The following MTUS2 variants were observed in gnomAD, a reference collection of about 807,000 sequenced individuals.
MTUS2 encodes microtubule associated scaffold protein 2.
MTUS2 carries 40 observed loss-of-function variants against 114.1 expected under a neutral mutation model. The ratio of observed to expected loss-of-function variants is 0.35; its 90% confidence interval spans 0.27 to 0.46. The LOEUF (loss-of-function observed/expected upper bound fraction) is 0.46. MTUS2 is among the 20% of genes least tolerant of loss of function. The pLI is 1.00. For synonymous variants in MTUS2, 688 were observed against 672.0 expected, an observed-to-expected ratio of 1.02 and a Z score of -0.37; for missense variants, 1,679 against 1,705.4, an observed-to-expected ratio of 0.98 and a Z score of 0.27.
chr13:29,193,090 GTTCAT>G (rs1894512906), intron 5 of MTUS2, among the ~76,000 whole-genome samples: 1 of 152,106 alleles, frequency 6.6e-6, no homozygotes, highest in Non-Finnish European at 1.5e-5. Flanking sequence ...GTTGAAAGAG[GTTCAT>G]TTCCAGCCTC....
chr13:29,234,799 C>T (rs1896470103), intron 5 of MTUS2, among the ~76,000 whole-genome samples: 2 of 152,096 alleles, frequency 1.3e-5, no homozygotes, highest in African/African-American at 4.8e-5. Flanking sequence ...ATTTATCCTT[C>T]AACATGGCCT....
intron 4 of MTUS2, among the ~76,000 whole-genome samples, chr13:29,066,489 C>G (rs1390203885): frequency 6.6e-6 from 1 of 152,182 alleles, no homozygotes; most frequent in Non-Finnish European, 1.5e-5. Context: ...TCTGTTGCAA[C>G]TACTCACCTC....
intron 5 of MTUS2, among the ~76,000 whole-genome samples, chr13:29,201,587 T>G (rs1344688460): frequency 3.9e-5 from 6 of 152,218 alleles, no homozygotes; most frequent in Non-Finnish European, 8.8e-5. Context: ...TGATGCAGTC[T>G]CTTCATGGTG....
chr13:29,365,510 T>TTGTGTGTGTGTGTGTGTGTG (rs56164752), intron 8 of MTUS2, among the ~76,000 whole-genome samples: 8,667 of 146,814 alleles, frequency 0.059, 305 homozygotes, highest in East Asian at 0.076. Context: ...TTGTTTGGGT[T>TTGTGTGTGTGTGTGTGTGTG]TGTGTGTGTG....
chr13:28,911,845 G>GTTTTTTTTTTTTTTTTTTTTTTATTTT (rs202187530), intron 2 of MTUS2, among the ~76,000 whole-genome samples: 8 of 103,832 alleles, frequency 7.7e-5, no homozygotes, highest in African/African-American at 1.1e-4. Context: ...ACTTTTTAAT[G>GTTTTTTTTTTTTTTTTTTTTTTATTTT]TTTTTTTTTT....
At chr13:29,321,477 C>G (rs2139672234) in intron 6 of MTUS2, among the ~76,000 whole-genome samples, 1 of 152,306 alleles carries the variant, frequency 6.6e-6, no homozygotes, top group East Asian at 1.9e-4. Flanking sequence ...ATTATCTGTG[C>G]TATCAAGAAT....
chr13:28,897,804 A>T (rs1360285035), intron 2 of MTUS2, among the ~76,000 whole-genome samples: 6 of 151,966 alleles, frequency 3.9e-5, no homozygotes, highest in Non-Finnish European at 8.8e-5. Flanking sequence ...TCACAAGGAC[A>T]AAAAACCAAA....
At position 28,873,879 on chromosome 13, in the gene MTUS2, A is replaced by G. The variant is rs530313137; in HGVS notation, c.-243+34029A>G. The stretch of plus-strand genomic sequence containing the variant: ...CAAAATTACTCTTTTATAATCCTGT[A>G]AAAGTTCCAAGTGACAATAAGTATT... On this transcript the variant is annotated intron_variant, in intron 2 of 15. Coordinates refer to ENST00000612955, the MANE Select transcript of MTUS2 (RefSeq NM_001033602.4). Among the ~76,000 whole-genome samples, 11 of 152,362 alleles carry G rather than the reference A, an allele frequency of 7.2e-5. No individual in the cohort carries two copies. In the South Asian group the frequency reaches 2.3e-3, roughly 32 times the overall value.
chr13:29,351,609 TG>T (rs201442422), intron 7 of MTUS2, among the ~76,000 whole-genome samples: 19 of 150,142 alleles, frequency 1.3e-4, no homozygotes, highest in South Asian at 6.2e-4. Flanking sequence ...TAAGTTTTTT[TG>T]TTTGTTTTTT....
chr13:29,258,189 A>G (rs1897342670), intron 5 of MTUS2, among the ~76,000 whole-genome samples: 1 of 152,198 alleles, frequency 6.6e-6, no homozygotes, highest in Non-Finnish European at 1.5e-5. Context: ...GCTCTGGGGA[A>G]TAATCCACTT....
At chr13:28,940,661 T>C (rs1041640273) in intron 2 of MTUS2, among the ~76,000 whole-genome samples, 6 of 151,658 alleles carry the variant, frequency 4.0e-5, no homozygotes, top group Non-Finnish European at 8.8e-5. Flanking sequence ...AAAACAGAAA[T>C]TGAGAGTTCA....
chr13:29,197,386 C>T (rs1302372233), intron 5 of MTUS2, among the ~76,000 whole-genome samples: 1 of 152,132 alleles, frequency 6.6e-6, no homozygotes, highest in South Asian at 2.1e-4. Context: ...CATGTCCCTG[C>T]AAAGGACATA....
Position 29,080,833 on chromosome 13 carries a change from C to T in MTUS2, c.2447-19940C>T, listed in dbSNP as rs149856974. 4.7e-3 allele frequency among the ~76,000 whole-genome samples: 713 copies of T among 152,252 alleles called. 3 individuals are homozygous for T. Among genetic ancestry groups the T allele is most frequent in the African/African-American group, 0.016 (674 of 41,552 alleles). On this transcript the variant is annotated intron_variant, in intron 4 of 15. Coordinates refer to ENST00000612955, the MANE Select transcript of MTUS2 (RefSeq NM_001033602.4). ...CTCTGCCTCCTGGGTTCAAGTGATT[C>T]CCCTGCCTCAGCCTCCCAAGTAGCT... is the stretch of plus-strand genomic sequence containing the variant.
At chr13:28,922,928 ACT>A (rs1881127199) in intron 2 of MTUS2, among the ~76,000 whole-genome samples, 1 of 151,992 alleles carries the variant, frequency 6.6e-6, no homozygotes, top group Non-Finnish European at 1.5e-5. Flanking sequence ...TTCTTAAAAT[ACT>A]CTTTTAGCCC....
intron 2 of MTUS2, among the ~76,000 whole-genome samples, chr13:28,866,899 A>G (rs559600948): frequency 1.4e-3 from 207 of 152,306 alleles, no homozygotes; most frequent in African/African-American, 4.4e-3. Context: ...CTAAAATTAT[A>G]AAATGAATTT....
At chr13:29,358,582 C>T (rs1414527664) in intron 7 of MTUS2, among the ~76,000 whole-genome samples, 4 of 152,108 alleles carry the variant, frequency 2.6e-5, no homozygotes, top group East Asian at 1.9e-4. Context: ...CTGGCTGTGG[C>T]GTAGTGAAGG....
At chr13:29,007,457 G>A (rs1885649539) in intron 2 of MTUS2, among the ~76,000 whole-genome samples, 2 of 152,194 alleles carry the variant, frequency 1.3e-5, no homozygotes, top group Non-Finnish European at 1.5e-5. Context: ...GGAGAATTCA[G>A]ATGTCTTACT....
chr13:29,345,155 TA>T (rs1288618239), intron 7 of MTUS2, among the ~76,000 whole-genome samples: 1 of 152,188 alleles, frequency 6.6e-6, no homozygotes, highest in Non-Finnish European at 1.5e-5. Flanking sequence ...TCTTTTGCGA[TA>T]AATTTCCCGG....
At chr13:28,930,268 C>G (rs1198076272) in intron 2 of MTUS2, among the ~76,000 whole-genome samples, 1 of 152,220 alleles carries the variant, frequency 6.6e-6, no homozygotes, top group Non-Finnish European at 1.5e-5. Flanking sequence ...TGTGATTGTT[C>G]AGGCATAATT....
Sources: gnomAD v4.1 joint callset for allele counts (sites outside exome capture counted in the v4.1 genomes callset) on GRCh38, gnomAD v4.1.1 for gene constraint, MANE v1.5 for transcripts, NCBI Gene and HGNC (gene_info 2026-07-23, HGNC 2026-07-21) for gene names.